Variants in WDR76 observed in about 807,000 individuals in gnomAD.
The protein encoded by WDR76 is WD repeat domain 76, also known as WD repeat-containing protein 76.
In WDR76, 52 loss-of-function variants were observed where a neutral mutation model predicts 70.2. That is an observed-to-expected ratio of 0.74 (90% CI 0.59 to 0.93). The LOEUF is 0.93. Ranked by LOEUF, WDR76 falls within the 40% of genes least tolerant of loss-of-function variation. The probability of loss-of-function intolerance (pLI) is 0.00; values close to 1 mark genes in which losing one functional copy is unlikely to be tolerated. For synonymous variants in WDR76, 292 were observed against 271.1 expected, an observed-to-expected ratio of 1.08 and a Z score of -0.76; for missense variants, 756 against 760.2, an observed-to-expected ratio of 0.99 and a Z score of 0.07.
rs781609788 is a variant in WDR76 at position 43,828,389 on chromosome 15, G to T, written c.462+23G>T. 3.2e-6 allele frequency: 5 copies of T among 1,555,292 alleles called. No individual in the cohort carries two copies. In the East Asian group the frequency reaches 1.1e-4, roughly 35 times the overall value. ...CTGGTAAGAACTTAATTAGTAGCTT[G>T]TTCTGGTTTCTCTTTTTTGAAATTT... On this transcript the variant is annotated intron_variant, in intron 2 of 12. Coordinates refer to ENST00000263795, the MANE Select transcript of WDR76 (RefSeq NM_024908.4).
chr15:43,856,410 C>T (rs937012021), intron 9 of WDR76, among the ~76,000 whole-genome samples: 1 of 152,102 alleles, frequency 6.6e-6, no homozygotes, highest in African/African-American at 2.4e-5. Flanking sequence ...AGTTACTTTG[C>T]ATATTAAAAT....
At chr15:43,837,672 T>A (rs1329100040) in intron 4 of WDR76, among the ~76,000 whole-genome samples, 1 of 152,114 alleles carries the variant, frequency 6.6e-6, no homozygotes, top group African/African-American at 2.4e-5. Context: ...AGGATTTAAA[T>A]TTTTTGAAAA....
chr15:43,860,476 A>G (rs559646840), intron 11 of WDR76, among the ~76,000 whole-genome samples: 1 of 152,160 alleles, frequency 6.6e-6, no homozygotes, highest in African/African-American at 2.4e-5. Flanking sequence ...TTTTATTTCT[A>G]TTCATTTATC....
intron 8 of WDR76, among the ~76,000 whole-genome samples, chr15:43,844,427 G>T (rs957124184): frequency 6.6e-6 from 1 of 151,836 alleles, no homozygotes; most frequent in Non-Finnish European, 1.5e-5. Context: ...AGACCAGCCT[G>T]GCCAACATGG....
intron 8 of WDR76, among the ~76,000 whole-genome samples, chr15:43,845,012 A>G (rs1596074748): frequency 7.9e-6 from 1 of 126,562 alleles, no homozygotes; most frequent in Non-Finnish European, 1.7e-5. Flanking sequence ...CCCAGGCTGG[A>G]GTGCAGTGGT....
chr15:43,861,318 CTCTT>C lies in WDR76; in HGVS notation c.1563-13_1563-10del, dbSNP rs368460534. On this transcript the variant is annotated splice_polypyrimidine_tract_variant and intron_variant, in intron 11 of 12. Transcript: ENST00000263795. ...TTAAGTAACAAAAGAATGTCTTACT[CTCTT>C]TATTTTGCAGAATTTTTGACAGCAG... 3.9e-3 allele frequency: 6,233 copies of C among 1,609,886 alleles called. 38 individuals are homozygous for C. Among genetic ancestry groups the C allele is most frequent in the Non-Finnish European group, 3.8e-3 (4,521 of 1,176,400 alleles).
intron 2 of WDR76, among the ~76,000 whole-genome samples, chr15:43,829,592 C>T (rs28531819): frequency 0.17 from 24,607 of 148,326 alleles, 2,800 homozygotes; most frequent in African/African-American, 0.32. Flanking sequence ...CTGCAAGCTC[C>T]TCCTCCCGGG....
At chr15:43,861,303 A>G (rs2140313377) in intron 11 of WDR76, 30 bp from the exon 12 acceptor site, 3 of 1,596,544 alleles carry the variant, frequency 1.9e-6, no homozygotes, top group Non-Finnish European at 2.6e-6. Context: ...TTAAGTAACA[A>G]AAGAATGTCT....
Position 43,835,200 on chromosome 15 carries a change from G to A in WDR76, c.552+50G>A, listed in dbSNP as rs776422103. 3 of 1,535,792 alleles carry A rather than the reference G, an allele frequency of 2.0e-6. No homozygotes were observed. The African/African-American group carries it at 4.1e-5, about 21-fold the overall frequency. ...CAAGATGCAGGGCCGGGAACAGTGG[G>A]TAGCGCCTGTAATCCTGTCACTTGG... On this transcript the variant is annotated intron_variant, in intron 3 of 12. Coordinates refer to ENST00000263795, the MANE Select transcript of WDR76 (RefSeq NM_024908.4).
At chr15:43,840,666 T>G (rs915654796) in intron 5 of WDR76, among the ~76,000 whole-genome samples, 1 of 152,138 alleles carries the variant, frequency 6.6e-6, no homozygotes, top group Non-Finnish European at 1.5e-5. Flanking sequence ...CAAATTTTTT[T>G]GAAGCCTCAG....
chr15:43,846,347 A>T (rs1234469835), intron 8 of WDR76, among the ~76,000 whole-genome samples: 1 of 147,710 alleles, frequency 6.8e-6, no homozygotes. Flanking sequence ...GTGCAGTGGC[A>T]TGATCATAGC....
intron 10 of WDR76, 121 bp from the exon 11 acceptor site, chr15:43,858,550 G>C: frequency 7.6e-7 from 1 of 1,312,388 alleles, no homozygotes; most frequent in East Asian, 2.5e-5. Flanking sequence ...CTGGCTGAGA[G>C]TTCTGTCTTA....
At chr15:43,865,428 A>G (rs1264423112) in intron 12 of WDR76, among the ~76,000 whole-genome samples, 2 of 152,160 alleles carry the variant, frequency 1.3e-5, no homozygotes, top group African/African-American at 4.8e-5. Context: ...ACCCGCCACC[A>G]TGGCCAGCTA....
chr15:43,831,145 C>T lies in WDR76; in HGVS notation c.462+2779C>T, dbSNP rs576474172. ...ACTCGGGAGGCTGAGATGGGAGAAT[C>T]GCTTGAACCTAGGTGGTGGAGGTTG... On this transcript the variant is annotated intron_variant, in intron 2 of 12. Coordinates refer to ENST00000263795, the MANE Select transcript of WDR76 (RefSeq NM_024908.4). Among the ~76,000 whole-genome samples the T allele has an allele frequency of 7.9e-5, 12 of 151,042 alleles. 1 individual carries two copies. In the East Asian group the frequency reaches 2.4e-3, roughly 30 times the overall value.
chr15:43,866,449 T>G lies in WDR76; in HGVS notation c.*57T>G. On this transcript the variant is annotated 3_prime_UTR_variant, in exon 13 of 13. Transcript: ENST00000263795. ...ATTGACCACTGTCTAAGGAGCCTAG[T>G]AATCGGCGTGCCTTAGTGTGTTTAT... 1 of 1,590,544 alleles carries G rather than the reference T, an allele frequency of 6.3e-7. No homozygotes were observed. Among genetic ancestry groups the G allele is most frequent in the South Asian group, 1.1e-5 (1 of 89,006 alleles).
At chr15:43,850,108 G>T (rs902098103) in intron 8 of WDR76, among the ~76,000 whole-genome samples, 2 of 151,910 alleles carry the variant, frequency 1.3e-5, no homozygotes, top group African/African-American at 4.8e-5. Flanking sequence ...AGATTTAGAG[G>T]TGATTCTTTG....
chr15:43,834,298 C>CTTT (rs971086051), intron 2 of WDR76, among the ~76,000 whole-genome samples: 3 of 132,166 alleles, frequency 2.3e-5, no homozygotes, highest in Admixed American at 7.7e-5. Context: ...AAAAAAATAA[C>CTTT]TTTTTTTTTT....
chr15:43,858,211 G>A (rs928032658), intron 10 of WDR76, among the ~76,000 whole-genome samples: 4 of 149,904 alleles, frequency 2.7e-5, no homozygotes, highest in East Asian at 2.0e-4. Context: ...GATTACAGGC[G>A]TGAGCCACCA....
chr15:43,834,318 G>C (rs1482630565), intron 2 of WDR76, among the ~76,000 whole-genome samples: 1 of 51,762 alleles, frequency 1.9e-5, no homozygotes, highest in South Asian at 6.5e-4. Flanking sequence ...TTTTTTTTTT[G>C]AGACGGAGTT....
Sources: gnomAD v4.1 joint callset for allele counts (sites outside exome capture counted in the v4.1 genomes callset) on GRCh38, gnomAD v4.1.1 for gene constraint, MANE v1.5 for transcripts, NCBI Gene and HGNC (gene_info 2026-07-23, HGNC 2026-07-21) for gene names.